Variants in MUC3A observed in about 807,000 individuals in gnomAD.
MUC3A encodes the protein mucin-3A.
In MUC3A, 109 loss-of-function variants were observed where a neutral mutation model predicts 109.0. That is an observed-to-expected ratio of 1.00 (90% CI 0.86 to 1.17). The LOEUF is 1.17. Ranked by LOEUF, MUC3A falls within the 50% of genes most tolerant of loss-of-function variation. The pLI is 0.00. For synonymous variants in MUC3A, 1,398 were observed against 981.4 expected, an observed-to-expected ratio of 1.42 and a Z score of -7.93; for missense variants, 3,537 against 2,469.4, an observed-to-expected ratio of 1.43 and a Z score of -9.16.
Position 100,957,766 on chromosome 7 carries a change from TCACC to T in MUC3A, c.5988_5991del (p.Thr1997GlnfsTer29). ...AGTACTCCCAGCTACACTTCTTTGATCACCACAACCACCACCACCTCACACAGTA... is the reference window on the plus strand; with the variant it reads ...AGTACTCCCAGCTACACTTCTTTGATACAACCACCACCACCTCACACAGTA... On this transcript the variant is annotated frameshift_variant, in exon 2 of 12. Transcript: ENST00000379458. LOFTEE classifies it high-confidence loss of function. 7.5e-7 allele frequency: 1 copy of T among 1,337,926 alleles called. No homozygotes were observed. The highest frequency in any genetic ancestry group is 1.1e-6 in the Non-Finnish European group (1 of 947,444). The allele number at this position is 1,337,926 out of a possible 1,614,324, so 82.9% of individuals were successfully genotyped here.
chr7:100,960,205 C>T lies in MUC3A; in HGVS notation c.8426C>T (p.Thr2809Ile). 6.3e-7 allele frequency: 1 copy of T among 1,594,838 alleles called. No homozygotes were observed. Residue 2809 changes from threonine (T) to isoleucine (I), a missense_variant, in exon 2 of 12, where the codon ACT (threonine) becomes ATT (isoleucine). By Grantham distance (89) the Thr-to-Ile change is moderately conservative. Transcript: ENST00000379458. ...ACCCCATTAACAGTCTTTCCCTTTA[C>T]TACCGAAATGGTCACCTGTCCTACC... is the stretch of plus-strand genomic sequence containing the variant. ...PTTPLTVFPFTTEMVTCPTSI... is the reference protein window; with the variant it reads ...PTTPLTVFPFITEMVTCPTSI...
At position 100,960,118 on chromosome 7, in the gene MUC3A, C is replaced by T. The variant is rs1358540202; in HGVS notation, c.8339C>T (p.Ala2780Val). The change falls in exon 2 of 12, where the codon GCC becomes GTC. Residue 2780 changes from alanine (A) to valine (V), a missense_variant. By Grantham distance (64) the Ala-to-Val change is moderately conservative. Transcript: ENST00000379458. ...PGTITITIVPASPTDPCVEMD... is the reference protein window; with the variant it reads ...PGTITITIVPVSPTDPCVEMD... Reference sequence around the variant, plus strand: ...ACTATAACAATTACCATAGTCCCTGCCTCCCCCACTGATCCATGTGTTGAA... The same window carrying T: ...ACTATAACAATTACCATAGTCCCTGTCTCCCCCACTGATCCATGTGTTGAA... 5.2e-6 allele frequency: 8 copies of T among 1,540,368 alleles called. No individual in the cohort carries two copies. The highest frequency in any genetic ancestry group is 6.1e-6 in the Non-Finnish European group (7 of 1,150,664).
At chr7:100,966,075 A>C (rs373690378) in intron 8 of MUC3A, 2 of 620,140 alleles carry the variant, frequency 3.2e-6, no homozygotes, top group Non-Finnish European at 5.1e-6. Context: ...CCTGTCCCCT[A>C]ATTCTGGGAG....
intron 3 of MUC3A, among the ~76,000 whole-genome samples, chr7:100,961,761 C>G (rs79427438): frequency 6.2e-4 from 95 of 152,308 alleles, no homozygotes; most frequent in African/African-American, 2.3e-3. Context: ...TGCAGTAAAG[C>G]GAGATTTCGC....
chr7:100,965,981 C>A (rs587655783), intron 8 of MUC3A, 115 bp downstream of exon 8: 4 of 1,429,790 alleles, frequency 2.8e-6, no homozygotes, highest in East Asian at 5.0e-5. Context: ...GGAGCCTCGT[C>A]CCCAGAGTGC....
Position 100,958,968 on chromosome 7 carries a change from A to AATCG in MUC3A, c.7189_7190insATCG (p.Thr2397AsnfsTer22). ...TACTCCTGGCCTCACTTCGTGGGTCACCACCACCAAGACCACCTCACACAT... is the reference window on the plus strand; with the variant it reads ...TACTCCTGGCCTCACTTCGTGGGTCAATCGCCACCACCAAGACCACCTCACACAT... On this transcript the variant is annotated frameshift_variant, in exon 2 of 12. Coordinates refer to ENST00000379458, the MANE Select transcript of MUC3A (RefSeq NM_005960.2). LOFTEE classifies it high-confidence loss of function. 1 of 1,414,386 alleles carries AATCG rather than the reference A, an allele frequency of 7.1e-7. No homozygotes were observed. The highest frequency in any genetic ancestry group is 1.3e-5 in the South Asian group (1 of 78,140). 87.6% of individuals were successfully genotyped at this position (1,414,386 alleles called of 1,614,324 possible). A position where few individuals can be genotyped will look rare whatever the true frequency, so the allele number is the denominator to read the frequency against.
Position 100,964,874 on chromosome 7 carries a change from C to A in MUC3A, c.9382+31C>A, listed in dbSNP as rs745805201. 4.4e-6 allele frequency: 7 copies of A among 1,577,990 alleles called. No homozygotes were observed. In the East Asian group the frequency reaches 6.8e-5, roughly 15 times the overall value. On this transcript the variant is annotated intron_variant, in intron 6 of 11. Transcript: ENST00000379458. The stretch of plus-strand genomic sequence containing the variant: ...CCCAGGCTGGAGGGAGGGGCCAGGG[C>A]CTGAGGTGTCACCCCAGCCCACTCC...
chr7:100,960,157 C>T lies in MUC3A; in HGVS notation c.8378C>T (p.Thr2793Ile). 1 of 1,566,220 alleles carries T rather than the reference C, an allele frequency of 6.4e-7. No homozygotes were observed. Among genetic ancestry groups the T allele is most frequent in the Non-Finnish European group, 8.6e-7 (1 of 1,162,160 alleles). ...TDPCVEMDPS[T>I]EATSPPTTPL... ...CCATGTGTTGAAATGGATCCCAGCA[C>T]TGAAGCTACTTCTCCTCCCACCACC... The change falls in exon 2 of 12, where the codon ACT becomes ATT. Residue 2793 changes from threonine (T) to isoleucine (I), a missense_variant. Coordinates refer to ENST00000379458, the MANE Select transcript of MUC3A (RefSeq NM_005960.2).
At chr7:100,961,209 C>G (rs1792315112) in intron 3 of MUC3A, among the ~76,000 whole-genome samples, 1 of 152,310 alleles carries the variant, frequency 6.6e-6, no homozygotes, top group Non-Finnish European at 1.5e-5. Context: ...GCCGGGCCAA[C>G]AAACACAAAT....
chr7:100,958,833 T>G lies in MUC3A; in HGVS notation c.7054T>G (p.Ser2352Ala), dbSNP rs746560559. ...TTCGATCACCACCACCGAGACCAAC[T>G]CTCACAGTACTACCAGCTTCACTTC... is the stretch of plus-strand genomic sequence containing the variant. The part of the protein sequence containing the change: ...TSSITTTETN[S>A]HSTTSFTSSI... Residue 2352 changes from serine to alanine, a missense_variant, in exon 2 of 12, where the codon TCT becomes GCT. Physicochemically the swap from Ser to Ala is moderately conservative, Grantham distance 99 (BLOSUM62 1). Coordinates refer to ENST00000379458, the MANE Select transcript of MUC3A (RefSeq NM_005960.2). 13 of 1,536,880 alleles carry G rather than the reference T, an allele frequency of 8.5e-6. No individual in the cohort carries two copies. The highest frequency in any genetic ancestry group is 7.0e-5 in the Admixed American group (4 of 56,810).
intron 3 of MUC3A, among the ~76,000 whole-genome samples, chr7:100,962,028 C>T (rs1396570042): frequency 0.036 from 1,572 of 43,212 alleles, 449 homozygotes; most frequent in Middle Eastern, 0.21. Flanking sequence ...GTCAGGAGAT[C>T]GAGACCATCC....
Position 100,966,533 on chromosome 7 carries a change from A to T in MUC3A, c.9759A>T (p.Gly3253=), listed in dbSNP as rs888685866. The T allele has an allele frequency of 2.2e-6, 3 of 1,355,780 alleles. No individual in the cohort carries two copies. Among genetic ancestry groups the T allele is most frequent in the Admixed American group, 3.9e-5 (1 of 25,664 alleles). 84.0% of individuals were successfully genotyped at this position (1,355,780 alleles called of 1,614,324 possible). The change falls in exon 9 of 12, where the codon GGA becomes GGT. Residue 3253 remains glycine (G), a synonymous_variant. Transcript: ENST00000379458. ...LALGVRAVRS[G]WWGGQRRGRS... ...TGGGCGTCCGGGCGGTGCGCTCCGG[A>T]TGGTGGGGCGGCCAGCGCCGAGGCC...
chr7:100,960,149 T>A lies in MUC3A; in HGVS notation c.8370T>A (p.Asp2790Glu). The change falls in exon 2 of 12, where the codon GAT (aspartate) becomes GAA (glutamate). Residue 2790 changes from aspartate to glutamate, a missense_variant. Physicochemically the swap from Asp to Glu is conservative, Grantham distance 45. Transcript: ENST00000379458. ...CCACTGATCCATGTGTTGAAATGGA[T>A]CCCAGCACTGAAGCTACTTCTCCTC... is the stretch of plus-strand genomic sequence containing the variant. ...ASPTDPCVEM[D>E]PSTEATSPPT... 6.4e-7 allele frequency: 1 copy of A among 1,560,960 alleles called. No individual in the cohort carries two copies. The highest frequency in any genetic ancestry group is 8.6e-7 in the Non-Finnish European group (1 of 1,159,424).
Position 100,963,681 on chromosome 7 carries a change from G to A in MUC3A, c.9169-7G>A. The A allele has an allele frequency of 6.3e-7, 1 of 1,598,464 alleles. No individual in the cohort carries two copies. Among genetic ancestry groups the A allele is most frequent in the Non-Finnish European group, 8.5e-7 (1 of 1,179,762 alleles). ...GGACGTGAGCCCAGGGATCCTTGGTGTTTCAGATGCAGAAGATTTTTGCAG... is the reference window on the plus strand; with the variant it reads ...GGACGTGAGCCCAGGGATCCTTGGTATTTCAGATGCAGAAGATTTTTGCAG... On this transcript the variant is annotated splice_polypyrimidine_tract_variant and splice_region_variant and intron_variant, in intron 4 of 11. Coordinates refer to ENST00000379458, the MANE Select transcript of MUC3A (RefSeq NM_005960.2).
intron 7 of MUC3A, 58 bp downstream of exon 7, chr7:100,965,405 G>A (rs1792498231): frequency 2.5e-6 from 4 of 1,569,682 alleles, no homozygotes; most frequent in South Asian, 1.1e-5. Context: ...GGCTACCAGG[G>A]ACATTTGCCC....
chr7:100,965,462 G>T, intron 7 of MUC3A, 115 bp downstream of exon 7: 1 of 1,503,036 alleles, frequency 6.7e-7, no homozygotes, highest in Non-Finnish European at 8.9e-7. Context: ...GGCAAGTCAT[G>T]TGGCCCAGGG....
chr7:100,967,025 AG>A, intron 11 of MUC3A, 74 bp downstream of exon 11: 2 of 1,598,420 alleles, frequency 1.3e-6, no homozygotes, highest in Non-Finnish European at 1.7e-6. Flanking sequence ...GACCCCCACC[AG>A]GGCAGGGAGG....
chr7:100,964,908 C>T, intron 6 of MUC3A, 65 bp downstream of exon 6: 1 of 1,526,962 alleles, frequency 6.5e-7, no homozygotes, highest in Non-Finnish European at 8.8e-7. Context: ...CCAGCTCAGC[C>T]AGGGGGCCAC....
Position 100,958,609 on chromosome 7 carries a change from T to TCAG in MUC3A, c.6832_6833insGCA (p.Ile2277_Thr2278insSer). The TCAG allele has an allele frequency of 2.0e-6, 3 of 1,475,822 alleles. No individual in the cohort carries two copies. The highest frequency in any genetic ancestry group is 1.9e-6 in the Non-Finnish European group (2 of 1,073,724). The allele number at this position is 1,475,822 out of a possible 1,614,324, so 91.4% of individuals were successfully genotyped here. The stretch of plus-strand genomic sequence containing the variant: ...GATACTCCCAGCTTCACTTCTTCAA[T>TCAG]CACCACCAGTGAGACCCCCTCACAC... On this transcript the variant is annotated inframe_insertion, in exon 2 of 12. Coordinates refer to ENST00000379458, the MANE Select transcript of MUC3A (RefSeq NM_005960.2).
Sources: allele counts gnomAD v4.1 joint callset (sites outside exome capture counted in the v4.1 genomes callset), GRCh38; gene constraint gnomAD v4.1.1; transcripts MANE v1.5; gene names NCBI Gene and HGNC (gene_info 2026-07-23, HGNC 2026-07-21).